Variants in ADAMTS7 observed in about 807,000 individuals in gnomAD.
ADAMTS7 encodes the protein A disintegrin and metalloproteinase with thrombospondin motifs 7.
A neutral mutation model predicts 172.6 loss-of-function variants in ADAMTS7; 89 were observed. The ratio of observed to expected loss-of-function variants is 0.52; its 90% CI spans 0.43 to 0.61. The LOEUF is 0.61. Among genes scored for constraint, ADAMTS7 ranks in the 20% least tolerant of loss-of-function variants. The pLI is 0.00. For missense variants in ADAMTS7, 1,973 were observed against 2,355.6 expected, an observed-to-expected ratio of 0.84 and a Z score of 3.36; for synonymous variants, 885 against 978.4, an observed-to-expected ratio of 0.90 and a Z score of 1.78.
Position 78,789,757 on chromosome 15 carries a change from G to A in ADAMTS7, c.1110C>T (p.Arg370=). The A allele has an allele frequency of 6.2e-7, 1 of 1,611,564 alleles. No individual in the cohort carries two copies. The highest frequency in any genetic ancestry group is 1.1e-5 in the South Asian group (1 of 90,662). The stretch of plus-strand genomic sequence containing the variant: ...CCGTGTCCTCGTTGATGCTGCAGCT[G>A]CGGTGCGGCTGGCACATGCCCGCCA... ...SHVAGMCQPH[R]SCSINEDTGL... Residue 370 remains arginine, a synonymous_variant, in exon 7 of 24, where the codon CGC becomes CGT. Coordinates refer to ENST00000388820, the MANE Select transcript of ADAMTS7 (RefSeq NM_014272.5).
At chr15:78,767,278 T>C (rs2055172128) in intron 18 of ADAMTS7, 101 bp downstream of exon 18, 4 of 1,434,600 alleles carry the variant, frequency 2.8e-6, no homozygotes, top group Non-Finnish European at 3.8e-6. Context: ...AATGCCCAGG[T>C]TCCCTCCCAC....
intron 3 of ADAMTS7, among the ~76,000 whole-genome samples, chr15:78,797,018 G>A (rs1567237319): frequency 6.6e-6 from 1 of 152,214 alleles, no homozygotes; most frequent in African/African-American, 2.4e-5. Context: ...GGAATAAATT[G>A]CCTCACAGGG....
At chr15:78,809,898 C>A (rs796690906) in intron 1 of ADAMTS7, among the ~76,000 whole-genome samples, 12 of 152,356 alleles carry the variant, frequency 7.9e-5, no homozygotes, top group African/African-American at 2.9e-4. Context: ...GAAATAAGAA[C>A]CCGTGAGGCT....
At chr15:78,764,449 G>C (rs1476436302) in intron 20 of ADAMTS7, 106 bp downstream of exon 20, 2 of 1,390,164 alleles carry the variant, frequency 1.4e-6, no homozygotes, top group Non-Finnish European at 1.9e-6. Flanking sequence ...CAGATGTGCA[G>C]CCTGGGGCCC....
intron 8 of ADAMTS7, among the ~76,000 whole-genome samples, chr15:78,785,931 A>T (rs907088793): frequency 5.5e-5 from 8 of 145,838 alleles, no homozygotes; most frequent in South Asian, 4.4e-4. Context: ...ATCTTCTATT[A>T]TTTTTTTTTT....
At chr15:78,774,341 CG>C in intron 12 of ADAMTS7, 41 bp from the exon 13 acceptor site, 1 of 1,521,220 alleles carries the variant, frequency 6.6e-7, no homozygotes, top group Non-Finnish European at 8.8e-7. Context: ...ACAGCTGGGG[CG>C]GGAGTATGGA....
At chr15:78,791,282 G>GCCCCCGGGGGGCCCCCC in intron 4 of ADAMTS7, 59 bp from the exon 5 acceptor site, 1 of 1,488,264 alleles carries the variant, frequency 6.7e-7, no homozygotes, top group Non-Finnish European at 9.1e-7. Flanking sequence ...AGCAGCCAAT[G>GCCCCCGGGGGGCCCCCC]CCCACCCCAA....
Position 78,766,248 on chromosome 15 carries a change from A to G in ADAMTS7, c.3663T>C (p.Asp1221=), listed in dbSNP as rs1357132768. 1.2e-6 allele frequency: 2 copies of G among 1,611,582 alleles called. No homozygotes were observed. The highest frequency in any genetic ancestry group is 1.7e-6 in the Non-Finnish European group (2 of 1,179,764). ...GTGCTCCTCGGCCCTTGGGTTCCTC[A>G]TCATCCTTGAAAACCTCATTGGTCC... ...RDRTNEVFKD[D]EEPKGRGAPH... Residue 1221 remains aspartate (D), a synonymous_variant, in exon 19 of 24, where the codon GAT becomes GAC. Coordinates refer to ENST00000388820, the MANE Select transcript of ADAMTS7 (RefSeq NM_014272.5).
At position 78,800,438 on chromosome 15, in the gene ADAMTS7, C is replaced by T. The variant is rs777028886; in HGVS notation, c.210G>A (p.Arg70=). The T allele has an allele frequency of 1.2e-6, 2 of 1,610,916 alleles. No homozygotes were observed. Among genetic ancestry groups the T allele is most frequent in the Middle Eastern group, 1.7e-4 (1 of 6,056 alleles). ...GCGCGTCTCGGCGCACAGATACATC[C>T]CGCTTGCGCAGTGCGCGGGGCCACA... ...YELWPRALRK[R]DVSVRRDAPA... The change falls in exon 2 of 24, where the codon CGG becomes CGA. Residue 70 remains arginine (R), a synonymous_variant. Coordinates refer to ENST00000388820, the MANE Select transcript of ADAMTS7 (RefSeq NM_014272.5).
intron 8 of ADAMTS7, among the ~76,000 whole-genome samples, chr15:78,785,320 G>A (rs558438997): frequency 3.8e-4 from 58 of 152,256 alleles, no homozygotes; most frequent in African/African-American, 1.4e-3. Context: ...GGAGGCCAAG[G>A]TGGTGAATCA....
chr15:78,766,672 G>A lies in ADAMTS7; in HGVS notation c.3239C>T (p.Pro1080Leu). 6.2e-7 allele frequency: 1 copy of A among 1,610,912 alleles called. No individual in the cohort carries two copies. Among genetic ancestry groups the A allele is most frequent in the Non-Finnish European group, 8.5e-7 (1 of 1,179,778 alleles). ...INFHEDLSYG[P>L]SEEPDLDLAG... ...CAGGTCTAGATCGGGCTCCTCAGAG[G>A]GCCCGTAGGACAGATCCTCGTGGAA... Residue 1080 changes from proline (P) to leucine (L), a missense_variant, in exon 19 of 24, where the codon CCC becomes CTC. By Grantham distance (98) the Pro-to-Leu change is moderately conservative (BLOSUM62 -3). Transcript: ENST00000388820.
intron 8 of ADAMTS7, among the ~76,000 whole-genome samples, chr15:78,777,883 C>T (rs1355682368): frequency 2.0e-5 from 3 of 152,220 alleles, no homozygotes; most frequent in Non-Finnish European, 4.4e-5. Flanking sequence ...CCTCCTGGAC[C>T]ACCAAGCCGT....
At chr15:78,807,951 C>T (rs777521469) in intron 1 of ADAMTS7, among the ~76,000 whole-genome samples, 3 of 151,620 alleles carry the variant, frequency 2.0e-5, no homozygotes, top group Non-Finnish European at 1.5e-5. Flanking sequence ...ACCTCCTGGG[C>T]TCATGCAATC....
chr15:78,788,075 G>C (rs1428798630), intron 8 of ADAMTS7, among the ~76,000 whole-genome samples, 156 bp downstream of exon 8: 1 of 152,096 alleles, frequency 6.6e-6, no homozygotes, highest in African/African-American at 2.4e-5. Flanking sequence ...CAGTGTGACT[G>C]TCTGCATCAC....
intron 8 of ADAMTS7, among the ~76,000 whole-genome samples, chr15:78,785,209 T>C (rs1287573639): frequency 6.6e-6 from 1 of 152,056 alleles, no homozygotes; most frequent in Admixed American, 6.6e-5. Context: ...CTGGAAGGCC[T>C]GGAGAAGCAA....
chr15:78,794,883 A>G (rs1004124729), intron 4 of ADAMTS7, among the ~76,000 whole-genome samples: 9 of 152,024 alleles, frequency 5.9e-5, no homozygotes, highest in Non-Finnish European at 1.3e-4. Context: ...ACACCCAACT[A>G]TTTTTTGTAT....
At position 78,762,341 on chromosome 15, in the gene ADAMTS7, T is replaced by C. The variant is rs959720616; in HGVS notation, c.4903+62A>G. 3 of 1,342,780 alleles carry C rather than the reference T, an allele frequency of 2.2e-6. No individual in the cohort carries two copies. In the African/African-American group the frequency reaches 4.6e-5, roughly 20 times the overall value. The allele number at this position is 1,342,780 out of a possible 1,614,324, so 83.2% of individuals were successfully genotyped here. A position where few individuals can be genotyped will look rare whatever the true frequency, so the allele number is the denominator to read the frequency against. On this transcript the variant is annotated intron_variant, in intron 23 of 23. Transcript: ENST00000388820. ...GGGCACAATGGTTTGACGACCCCATTTCCCCATCACCCTCCCCACCCCACC... is the reference window on the plus strand; with the variant it reads ...GGGCACAATGGTTTGACGACCCCATCTCCCCATCACCCTCCCCACCCCACC...
chr15:78,789,554 T>G, intron 7 of ADAMTS7, 135 bp downstream of exon 7: 1 of 1,250,450 alleles, frequency 8.0e-7, no homozygotes, highest in Middle Eastern at 2.1e-4. Flanking sequence ...GGGCAGCACA[T>G]GGCCAGTCAG....
In ADAMTS7 at chr15:78,763,961, G is replaced by A. The variant is rs1168507367; in HGVS notation, c.4558C>T (p.Pro1520Ser). ...PPAHRPCGAQ[P>S]CLSWYTSSWR... ...GAAGATGTGTACCAGCTGAGGCAGG[G>A]CTGGGCCCCGCAGGGCCGGTGCGCA... The change falls in exon 21 of 24, where the codon CCC becomes TCC. Residue 1520 changes from proline to serine, a missense_variant. By Grantham distance (74) the Pro-to-Ser change is moderately conservative. Transcript: ENST00000388820. 1 of 1,546,434 alleles carries A rather than the reference G, an allele frequency of 6.5e-7. No homozygotes were observed. Among genetic ancestry groups the A allele is most frequent in the East Asian group, 2.3e-5 (1 of 42,772 alleles).
Sources: gnomAD v4.1 joint callset for allele counts (sites outside exome capture counted in the v4.1 genomes callset) on GRCh38, gnomAD v4.1.1 for gene constraint, MANE v1.5 for transcripts, NCBI Gene and HGNC (gene_info 2026-07-23, HGNC 2026-07-21) for gene names.